Variants in AGBL4 observed in about 807,000 individuals in gnomAD.
AGBL4 encodes cytosolic carboxypeptidase 6.
In AGBL4, 58 loss-of-function variants were observed where a neutral mutation model predicts 66.4. That is an observed-to-expected ratio of 0.87 (90% CI 0.71 to 1.09). The LOEUF is 1.09. Among genes scored for constraint, AGBL4 ranks in the 50% least tolerant of loss-of-function variants. The probability of loss-of-function intolerance (pLI) is 0.00; values close to 1 mark genes in which losing one functional copy is unlikely to be tolerated. For synonymous variants in AGBL4, 234 were observed against 222.9 expected, an observed-to-expected ratio of 1.05 and a Z score of -0.44; for missense variants, 579 against 631.0, an observed-to-expected ratio of 0.92 and a Z score of 0.88.
intron 11 of AGBL4, among the ~76,000 whole-genome samples, chr1:48,576,099 G>T (rs887757959): frequency 2.6e-5 from 4 of 152,170 alleles, no homozygotes; most frequent in South Asian, 4.2e-4. Context: ...GCCATGGATT[G>T]GTACTGTGGC....
intron 6 of AGBL4, among the ~76,000 whole-genome samples, chr1:48,855,307 G>A (rs1302779300): frequency 6.6e-6 from 1 of 152,096 alleles, no homozygotes; most frequent in Non-Finnish European, 1.5e-5. Context: ...TGGAGCCCTG[G>A]AATAACGGCA....
intron 3 of AGBL4, among the ~76,000 whole-genome samples, chr1:49,599,764 C>A (rs1168734445): frequency 1.3e-5 from 2 of 152,146 alleles, no homozygotes; most frequent in Non-Finnish European, 2.9e-5. Context: ...CTATAAATTT[C>A]CCTCTAAACA....
chr1:48,833,198 A>G (rs1646595529), intron 6 of AGBL4, among the ~76,000 whole-genome samples: 1 of 152,150 alleles, frequency 6.6e-6, no homozygotes, highest in Admixed American at 6.6e-5. Flanking sequence ...AGGCTGGAAG[A>G]GTTTTGAGGT....
intron 2 of AGBL4, among the ~76,000 whole-genome samples, chr1:49,810,250 T>A (rs1645067715): frequency 6.6e-6 from 1 of 152,054 alleles, no homozygotes; most frequent in Admixed American, 6.6e-5. Flanking sequence ...CCCTTATATC[T>A]ATAACTTACT....
At chr1:48,944,181 G>T (rs1656254767) in intron 5 of AGBL4, among the ~76,000 whole-genome samples, 2 of 152,180 alleles carry the variant, frequency 1.3e-5, no homozygotes, top group African/African-American at 4.8e-5. Context: ...AGCTCAGATG[G>T]TGGTGGGGTG....
Position 49,116,791 on chromosome 1 carries a change from G to A in AGBL4, c.378-70991C>T, listed in dbSNP as rs1001425344. Among the ~76,000 whole-genome samples, 59 of 152,152 alleles carry A rather than the reference G, an allele frequency of 3.9e-4. 1 individual carries two copies. Among genetic ancestry groups the A allele is most frequent in the African/African-American group, 1.2e-3 (48 of 41,436 alleles). ...TCTAATTCCAGATACTTGAGGGATCGGCACAGTGGCTTCCACAATGGTTGA... is the reference window on the plus strand; with the variant it reads ...TCTAATTCCAGATACTTGAGGGATCAGCACAGTGGCTTCCACAATGGTTGA... On this transcript the variant is annotated intron_variant, in intron 4 of 13. Coordinates refer to ENST00000371839, the MANE Select transcript of AGBL4 (RefSeq NM_032785.4).
At chr1:49,916,858 G>A (rs1166187294) in intron 1 of AGBL4, among the ~76,000 whole-genome samples, 1 of 152,144 alleles carries the variant, frequency 6.6e-6, no homozygotes, top group Non-Finnish European at 1.5e-5. Context: ...CCCACAAAGG[G>A]AAGCCCATCA....
chr1:48,987,808 T>C (rs1469820210), intron 5 of AGBL4, among the ~76,000 whole-genome samples: 1 of 152,106 alleles, frequency 6.6e-6, no homozygotes, highest in African/African-American at 2.4e-5. Flanking sequence ...ACATAAAAGC[T>C]GTAAGAACTA....
rs563679766 is a variant in AGBL4, at chr1:48,745,423, C to T, written c.635-82182G>A. On this transcript the variant is annotated intron_variant, in intron 6 of 13. Transcript: ENST00000371839. The stretch of plus-strand genomic sequence containing the variant: ...AAGGGCTCTGCTATCACACTGTCTA[C>T]AGAGGGACAGCTAACGGACATCAGA... 1.1e-4 allele frequency among the ~76,000 whole-genome samples: 17 copies of T among 152,290 alleles called. No homozygotes were observed. In the South Asian group the frequency reaches 3.1e-3, roughly 28 times the overall value.
intron 4 of AGBL4, among the ~76,000 whole-genome samples, chr1:49,212,892 G>T (rs759651984): frequency 4.6e-5 from 7 of 151,972 alleles, no homozygotes; most frequent in Non-Finnish European, 8.8e-5. Flanking sequence ...CATCCTTTAC[G>T]CATGTTAAAT....
chr1:49,167,461 TCA>T (rs1646655818), intron 4 of AGBL4, among the ~76,000 whole-genome samples: 1 of 152,184 alleles, frequency 6.6e-6, no homozygotes, highest in Admixed American at 6.5e-5. Flanking sequence ...CATCACCATA[TCA>T]TTCATTACTC....
chr1:49,146,076 A>G (rs1646212249), intron 4 of AGBL4, among the ~76,000 whole-genome samples: 1 of 152,162 alleles, frequency 6.6e-6, no homozygotes, highest in South Asian at 2.1e-4. Flanking sequence ...ACTCATGGAG[A>G]TAGAGTTATC....
At chr1:49,318,164 T>C (rs1484271501) in intron 3 of AGBL4, among the ~76,000 whole-genome samples, 1 of 151,988 alleles carries the variant, frequency 6.6e-6, no homozygotes, top group Non-Finnish European at 1.5e-5. Context: ...GTATTTATTA[T>C]GTTTAAGGCC....
At chr1:49,923,305 C>T (rs1283192776) in intron 1 of AGBL4, among the ~76,000 whole-genome samples, 1 of 152,124 alleles carries the variant, frequency 6.6e-6, no homozygotes, top group Non-Finnish European at 1.5e-5. Context: ...TTACCAAATA[C>T]AAAAACCAAC....
chr1:49,925,526 G>A (rs1009501175), intron 1 of AGBL4, among the ~76,000 whole-genome samples: 4 of 152,150 alleles, frequency 2.6e-5, no homozygotes, highest in African/African-American at 9.7e-5. Context: ...TTTGTCTTGA[G>A]CTTGGGTGTC....
At chr1:49,303,911 T>C (rs191221490) in intron 3 of AGBL4, among the ~76,000 whole-genome samples, 1 of 152,202 alleles carries the variant, frequency 6.6e-6, no homozygotes, top group Non-Finnish European at 1.5e-5. Context: ...TTGCAAAAAT[T>C]TTCTCTGATT....
At chr1:49,508,141 T>G (rs1231385356) in intron 3 of AGBL4, among the ~76,000 whole-genome samples, 1 of 152,000 alleles carries the variant, frequency 6.6e-6, no homozygotes, top group African/African-American at 2.4e-5. Flanking sequence ...AATAGTTTCA[T>G]GTATAATTAT....
intron 1 of AGBL4, among the ~76,000 whole-genome samples, chr1:49,998,882 A>G (rs2148415552): frequency 6.6e-6 from 1 of 152,278 alleles, no homozygotes; most frequent in African/African-American, 2.4e-5. Context: ...AAAATCCAGC[A>G]TCGCTTTATG....
intron 6 of AGBL4, among the ~76,000 whole-genome samples, chr1:48,767,052 T>C (rs887565516): frequency 3.3e-5 from 5 of 152,168 alleles, no homozygotes; most frequent in Non-Finnish European, 4.4e-5. Context: ...CTCACATCCA[T>C]AGAAGATTAC....
Sources: gnomAD v4.1 joint callset for allele counts (sites outside exome capture counted in the v4.1 genomes callset) on GRCh38, gnomAD v4.1.1 for gene constraint, MANE v1.5 for transcripts, NCBI Gene and HGNC (gene_info 2026-07-23, HGNC 2026-07-21) for gene names.